The following MYO16 variants were observed in gnomAD, a reference collection of about 807,000 sequenced individuals.
MYO16 encodes unconventional myosin-XVI.
MYO16 carries 94 observed loss-of-function variants against 205.3 expected under a neutral mutation model. The ratio of observed to expected loss-of-function variants is 0.46; its 90% CI spans 0.39 to 0.54. The LOEUF is 0.54. Among genes scored for constraint, MYO16 ranks in the 20% least tolerant of loss-of-function variants. MYO16 has a pLI of 0.00. For missense variants in MYO16, 2,315 were observed against 2,387.5 expected, an observed-to-expected ratio of 0.97 and a Z score of 0.63; for synonymous variants, 988 against 954.0, an observed-to-expected ratio of 1.04 and a Z score of -0.66.
In MYO16 at chr13:108,733,841, C is replaced by T. The variant is rs558626873; in HGVS notation, c.507+6258C>T. Among the ~76,000 whole-genome samples the T allele has an allele frequency of 7.5e-4, 114 of 152,176 alleles. 1 individual carries two copies. Among genetic ancestry groups the T allele is most frequent in the Middle Eastern group, 3.4e-3 (1 of 290 alleles). On this transcript the variant is annotated intron_variant, in intron 4 of 34. Coordinates refer to ENST00000457511, the MANE Select transcript of MYO16 (RefSeq NM_001198950.3). ...AAAATTAGCTGGGCATGGTGGCAGG[C>T]ACCTGTAGTCCCAGCTACTCGGGAG...
At chr13:108,556,818 G>T in the MYO16 span, among the ~76,000 whole-genome samples, 1 of 151,810 alleles carries the variant, frequency 6.6e-6, no homozygotes, top group East Asian at 1.9e-4. Flanking sequence ...TGTATGTGTT[G>T]TTTGGTAAAG....
intron 2 of MYO16, among the ~76,000 whole-genome samples, chr13:108,685,646 G>A (rs898800162): frequency 6.6e-6 from 1 of 152,110 alleles, no homozygotes; most frequent in African/African-American, 2.4e-5. Flanking sequence ...TCCTGCTGAC[G>A]GTCTATATGG....
Position 108,786,522 on chromosome 13 carries a change from C to T in MYO16, c.616+779C>T, listed in dbSNP as rs188300883. Among the ~76,000 whole-genome samples, 5 of 152,278 alleles carry T rather than the reference C, an allele frequency of 3.3e-5. No individual in the cohort carries two copies. The East Asian group carries it at 9.6e-4, about 29-fold the overall frequency. Reference sequence around the variant, plus strand: ...GAGAAAAGTTTACAGTTTTTAAGAGCCACACGGAGCTTATGCAGATACTCT... The same window carrying T: ...GAGAAAAGTTTACAGTTTTTAAGAGTCACACGGAGCTTATGCAGATACTCT... On this transcript the variant is annotated intron_variant, in intron 5 of 34. Coordinates refer to ENST00000457511, the MANE Select transcript of MYO16 (RefSeq NM_001198950.3).
At chr13:108,564,464 C>T in the MYO16 span, among the ~76,000 whole-genome samples, 24,349 of 152,042 alleles carry the variant, frequency 0.16, 2,381 homozygotes, top group Non-Finnish European at 0.22. Context: ...CCACTGCACC[C>T]GGTCCCTATT....
At chr13:108,990,226 G>T (rs1266497144) in intron 20 of MYO16, among the ~76,000 whole-genome samples, 1 of 151,662 alleles carries the variant, frequency 6.6e-6, no homozygotes, top group African/African-American at 2.4e-5. Context: ...CAGCATCATT[G>T]TTAGCACTGA....
chr13:109,051,217 C>T (rs780312306), intron 24 of MYO16, among the ~76,000 whole-genome samples: 2 of 152,132 alleles, frequency 1.3e-5, no homozygotes, highest in African/African-American at 2.4e-5. Flanking sequence ...ATCTCCTTTT[C>T]CTGACAGTTC....
chr13:108,651,635 A>C (rs1223672929), intron 1 of MYO16, among the ~76,000 whole-genome samples: 2 of 152,248 alleles, frequency 1.3e-5, no homozygotes, highest in African/African-American at 4.8e-5. Context: ...ATGGAAACAC[A>C]AGAAATGGCC....
At chr13:109,129,955 C>T (rs571141882) in intron 31 of MYO16, among the ~76,000 whole-genome samples, 67 of 150,332 alleles carry the variant, frequency 4.5e-4, no homozygotes, top group Admixed American at 4.4e-3. Flanking sequence ...AGAAGCTGAC[C>T]TCAGAGAGCT....
chr13:108,963,103 A>C (rs951470509), intron 19 of MYO16, among the ~76,000 whole-genome samples: 2 of 152,242 alleles, frequency 1.3e-5, no homozygotes, highest in African/African-American at 4.8e-5. Flanking sequence ...TGCTACATGC[A>C]TCTCTACTCA....
intron 3 of MYO16, 86 bp downstream of exon 3, chr13:108,712,817 A>T (rs1883776938): frequency 1.1e-6 from 1 of 950,630 alleles, no homozygotes; most frequent in Non-Finnish European, 1.6e-6. Flanking sequence ...CGAAATGTAC[A>T]TCTCACAGAT....
chr13:109,156,641 G>A lies in MYO16; in HGVS notation c.5165-8260G>A, dbSNP rs558476447. 1.1e-4 allele frequency among the ~76,000 whole-genome samples: 16 copies of A among 152,292 alleles called. 1 individual carries two copies. Among genetic ancestry groups the A allele is most frequent in the African/African-American group, 3.8e-4 (16 of 41,574 alleles). The stretch of plus-strand genomic sequence containing the variant: ...GTGGTGTTTTCAGCATCTTGTTGGG[G>A]AAACATTCCATGGCTCCTTTCTCTC... On this transcript the variant is annotated intron_variant, in intron 32 of 34. Transcript: ENST00000457511.
chr13:108,585,456 C>T, the MYO16 span, among the ~76,000 whole-genome samples: 1 of 152,100 alleles, frequency 6.6e-6, no homozygotes, highest in Non-Finnish European at 1.5e-5. Flanking sequence ...TTTTATTGTG[C>T]AGAGGGAGCT....
chr13:108,659,581 C>T (rs1021275179), intron 1 of MYO16, among the ~76,000 whole-genome samples: 4 of 152,068 alleles, frequency 2.6e-5, no homozygotes, highest in African/African-American at 9.7e-5. Flanking sequence ...ATGACACTGC[C>T]TCAGGCCAGA....
intron 9 of MYO16, among the ~76,000 whole-genome samples, chr13:108,826,675 C>T (rs1250684035): frequency 6.6e-6 from 1 of 151,944 alleles, no homozygotes; most frequent in African/African-American, 2.4e-5. Flanking sequence ...ATGCTTACAA[C>T]TGAACAATAA....
At chr13:108,846,629 CAATT>C (rs1051674291) in intron 10 of MYO16, among the ~76,000 whole-genome samples, 1 of 151,862 alleles carries the variant, frequency 6.6e-6, no homozygotes, top group African/African-American at 2.4e-5. Context: ...GTGTGACTGA[CAATT>C]GAACACTATT....
intron 21 of MYO16, among the ~76,000 whole-genome samples, chr13:109,004,911 G>T (rs146664462): frequency 6.6e-6 from 1 of 152,238 alleles, no homozygotes; most frequent in African/African-American, 2.4e-5. Flanking sequence ...GTTTTATATG[G>T]TATGTTCTCA....
At chr13:108,781,050 A>G (rs898701608) in intron 4 of MYO16, among the ~76,000 whole-genome samples, 1 of 152,198 alleles carries the variant, frequency 6.6e-6, no homozygotes, top group Admixed American at 6.5e-5. Flanking sequence ...TTTCAATGCC[A>G]AGTTCCTTTT....
intron 23 of MYO16, among the ~76,000 whole-genome samples, chr13:109,039,652 T>G (rs958778389): frequency 9.2e-5 from 14 of 152,070 alleles, no homozygotes; most frequent in Non-Finnish European, 1.9e-4. Flanking sequence ...CTGAACCTAA[T>G]GAAAATGAAA....
chr13:108,672,892 G>C (rs543950516), intron 2 of MYO16, among the ~76,000 whole-genome samples: 3 of 151,994 alleles, frequency 2.0e-5, no homozygotes, highest in East Asian at 3.9e-4. Flanking sequence ...ATATTGCTTC[G>C]TACTAATTAG....
Sources: gnomAD v4.1 joint callset for allele counts (sites outside exome capture counted in the v4.1 genomes callset) on GRCh38, gnomAD v4.1.1 for gene constraint, MANE v1.5 for transcripts, NCBI Gene and HGNC (gene_info 2026-07-23, HGNC 2026-07-21) for gene names.